The following KLC1 variants were observed in gnomAD, a reference collection of about 807,000 sequenced individuals.
The protein encoded by KLC1 is kinesin 2 60/70kDa.
KLC1 carries 30 observed loss-of-function variants against 84.2 expected under a neutral mutation model. That is an observed-to-expected ratio of 0.36 (90% CI 0.27 to 0.48). The LOEUF is 0.48. Ranked by LOEUF, KLC1 falls within the 20% of genes least tolerant of loss-of-function variation. The probability of loss-of-function intolerance (pLI) is 0.99; values close to 1 mark genes in which losing one functional copy is unlikely to be tolerated. For missense variants in KLC1, 499 were observed against 805.4 expected, an observed-to-expected ratio of 0.62 and a Z score of 4.60; for synonymous variants, 289 against 293.3, an observed-to-expected ratio of 0.99 and a Z score of 0.15.
At position 103,695,463 on chromosome 14, in the gene KLC1, G is replaced by A. The variant is rs887053569; in HGVS notation, c.1848+3038G>A. The A allele has an allele frequency of 9.1e-6, 9 of 985,010 alleles. No homozygotes were observed. In the Admixed American group the frequency reaches 3.7e-4, roughly 40 times the overall value. 61.0% of individuals were successfully genotyped at this position (985,010 alleles called of 1,614,324 possible). A position where few individuals can be genotyped will look rare whatever the true frequency, so the allele number is the denominator to read the frequency against. ...GCTTCCCCTGACAGGTGCCGTGGCTGCCCCCGTAGTGGGCTATGTCTGTGC... is the reference window on the plus strand; with the variant it reads ...GCTTCCCCTGACAGGTGCCGTGGCTACCCCCGTAGTGGGCTATGTCTGTGC... On this transcript the variant is annotated intron_variant, in intron 15 of 16. Coordinates refer to ENST00000334553, the MANE Select transcript of KLC1 (RefSeq NM_001394837.1).
chr14:103,680,550 G>A (rs542289388), intron 13 of KLC1, among the ~76,000 whole-genome samples: 1 of 152,290 alleles, frequency 6.6e-6, no homozygotes, highest in South Asian at 2.1e-4. Context: ...AAAAATGTTA[G>A]TAGCAAAATT....
At chr14:103,654,467 T>G (rs1008900260) in intron 1 of KLC1, 97 bp from the exon 2 acceptor site, 16 of 889,242 alleles carry the variant, frequency 1.8e-5, no homozygotes, top group Admixed American at 1.5e-4. Flanking sequence ...ATTATTCCCC[T>G]ATAAAATGTT....
At position 103,662,208 on chromosome 14, in the gene KLC1, G is replaced by A; in HGVS notation, c.571+14G>A. 6.3e-7 allele frequency: 1 copy of A among 1,590,692 alleles called. No homozygotes were observed. Among genetic ancestry groups the A allele is most frequent in the Non-Finnish European group, 8.6e-7 (1 of 1,158,564 alleles). On this transcript the variant is annotated intron_variant, in intron 4 of 16. Transcript: ENST00000334553. ...CAGGGCAAGGAAGTGAGTGATGGGT[G>A]ATGCAGGCATGTTACCGAGTGCAGA...
In KLC1 at chr14:103,657,551, G is replaced by A; in HGVS notation, c.267G>A (p.Met89Ile). The A allele has an allele frequency of 6.2e-7, 1 of 1,613,620 alleles. No individual in the cohort carries two copies. The highest frequency in any genetic ancestry group is 8.5e-7 in the Non-Finnish European group (1 of 1,179,524). The change falls in exon 3 of 17, where the codon ATG becomes ATA. Residue 89 changes from methionine to isoleucine, a missense_variant. Met to Ile is a conservative substitution (Grantham distance 10). Coordinates refer to ENST00000334553, the MANE Select transcript of KLC1 (RefSeq NM_001394837.1). ...ACACGTTTCTGTCTGCTCAGGTTAT[G>A]ATGGCTTTGTCAAATCACCTGAATG... is the stretch of plus-strand genomic sequence containing the variant. ...LELGLSEAQV[M>I]MALSNHLNAV...
At position 103,693,826 on chromosome 14, in the gene KLC1, G is replaced by T. The variant is rs2082261147; in HGVS notation, c.1848+1401G>T. ...TACTCGGCCTGCAGCCCCAGTGCCA[G>T]GAGCCACCCCGACCGCGACCCGGCC... On this transcript the variant is annotated intron_variant, in intron 15 of 16. Transcript: ENST00000334553. This position sits in a 1 kb window ranked among gnomAD's most constrained non-coding sequence, Gnocchi z 5.1. 7.2e-7 allele frequency: 1 copy of T among 1,391,160 alleles called. No homozygotes were observed. Among genetic ancestry groups the T allele is most frequent in the Non-Finnish European group, 9.3e-7 (1 of 1,076,192 alleles). 86.2% of individuals were successfully genotyped at this position (1,391,160 alleles called of 1,614,324 possible). A position where few individuals can be genotyped will look rare whatever the true frequency, so the allele number is the denominator to read the frequency against.
intron 1 of KLC1, among the ~76,000 whole-genome samples, chr14:103,640,335 C>T (rs1475237484): frequency 6.6e-6 from 1 of 152,096 alleles, no homozygotes; most frequent in African/African-American, 2.4e-5. Flanking sequence ...TCTGGGATTA[C>T]AGGCATGAGC....
At chr14:103,677,048 C>T (rs2403205) in intron 11 of KLC1, among the ~76,000 whole-genome samples, 45,367 of 152,062 alleles carry the variant, frequency 0.3, 7,420 homozygotes, top group Middle Eastern at 0.38. Context: ...GAGCACTGTT[C>T]GTCGTTACTG....
intron 15 of KLC1, chr14:103,696,073 C>T: frequency 1.0e-6 from 1 of 973,574 alleles, no homozygotes; most frequent in Non-Finnish European, 1.2e-6. Context: ...TTCAGAGTTG[C>T]TGTCAAAATA....
At chr14:103,697,080 T>C (rs2082592359) in intron 15 of KLC1, 1 of 985,332 alleles carries the variant, frequency 1.0e-6, no homozygotes, top group Non-Finnish European at 1.2e-6. Context: ...ATCGCTGGCA[T>C]GTCTTGCCTA....
chr14:103,669,163 A>G (rs1309972483), intron 5 of KLC1, among the ~76,000 whole-genome samples: 2 of 151,546 alleles, frequency 1.3e-5, no homozygotes, highest in East Asian at 2.0e-4. Flanking sequence ...GAGGCCGGGC[A>G]CGATGGCTCA....
Position 103,673,816 on chromosome 14 carries a change from G to C in KLC1, c.1261+385G>C, listed in dbSNP as rs527588727. 1.2e-3 allele frequency among the ~76,000 whole-genome samples: 182 copies of C among 152,164 alleles called. 3 individuals are homozygous for C. The highest frequency in any genetic ancestry group is 3.5e-3 in the Admixed American group (54 of 15,284). ...CGGCCGCCTGTAGTCCCAGCTACTC[G>C]GGAGGCTAAGGCAGGAGAATGGCGT... On this transcript the variant is annotated intron_variant, in intron 9 of 16. Coordinates refer to ENST00000334553, the MANE Select transcript of KLC1 (RefSeq NM_001394837.1).
At chr14:103,689,377 G>T (rs1567039986) in intron 14 of KLC1, among the ~76,000 whole-genome samples, 2 of 152,216 alleles carry the variant, frequency 1.3e-5, no homozygotes, top group Non-Finnish European at 1.5e-5. Context: ...ACTGTGGTCA[G>T]TGTTCATGGG....
chr14:103,685,177 A>G (rs2081682486), intron 13 of KLC1: 1 of 1,450,588 alleles, frequency 6.9e-7, no homozygotes, highest in Middle Eastern at 2.5e-4. Flanking sequence ...CATGTTTAAA[A>G]TGGGCTGTAG....
chr14:103,643,172 G>C (rs1363225840), intron 1 of KLC1, among the ~76,000 whole-genome samples: 2 of 152,170 alleles, frequency 1.3e-5, no homozygotes, highest in Non-Finnish European at 2.9e-5. Flanking sequence ...AATAAATGAG[G>C]AAAGAGACAA....
At chr14:103,691,190 G>C (rs970091893) in intron 14 of KLC1, among the ~76,000 whole-genome samples, 2 of 131,020 alleles carry the variant, frequency 1.5e-5, no homozygotes, top group African/African-American at 5.7e-5. Flanking sequence ...ACAGAGTCTT[G>C]CTGTGTCGCC....
intron 15 of KLC1, chr14:103,696,753 T>C (rs555506162): frequency 2.0e-6 from 2 of 985,514 alleles, no homozygotes; most frequent in South Asian, 4.7e-5. Flanking sequence ...TTTAGTGTTT[T>C]ATAATATGGT....
At chr14:103,698,775 G>T (rs372513712) in intron 15 of KLC1, 8 of 1,570,854 alleles carry the variant, frequency 5.1e-6, no homozygotes, top group Non-Finnish European at 6.9e-6. Context: ...CTCAGGCAGG[G>T]CTGTTGTGCA....
chr14:103,669,447 G>T, intron 5 of KLC1, 64 bp from the exon 6 acceptor site: 1 of 733,366 alleles, frequency 1.4e-6, no homozygotes, highest in Non-Finnish European at 2.1e-6. Context: ...AAAAAGAAAA[G>T]AAAAGAAAAG....
rs188419111 is a variant in KLC1 at position 103,655,591 on chromosome 14, C to T, written c.261+766C>T. 7.0e-4 allele frequency among the ~76,000 whole-genome samples: 103 copies of T among 147,444 alleles called. 1 individual carries two copies. The highest frequency in any genetic ancestry group is 6.8e-3 in the Admixed American group (100 of 14,724). On this transcript the variant is annotated intron_variant, in intron 2 of 16. Transcript: ENST00000334553. ...GGATTACAGGCGCGAGCCACCATGC[C>T]CGGCCTCTGAATTTTATTTTTATTT...
Sources: gnomAD v4.1 joint callset for allele counts (sites outside exome capture counted in the v4.1 genomes callset) on GRCh38, gnomAD v4.1.1 for gene constraint, Gnocchi (gnomAD v3.1) non-coding constraint, MANE v1.5 for transcripts, NCBI Gene and HGNC (gene_info 2026-07-23, HGNC 2026-07-21) for gene names.